Variants in SH3RF3 observed in about 807,000 individuals in gnomAD.
SH3RF3 encodes the protein SH3 domain containing ring finger 3.
SH3RF3 carries 29 observed loss-of-function variants against 66.3 expected under a neutral mutation model. The ratio of observed to expected loss-of-function variants is 0.44; its 90% confidence interval spans 0.33 to 0.60. SH3RF3 has a LOEUF of 0.60. Among genes scored for constraint, SH3RF3 ranks in the 20% least tolerant of loss-of-function variants. SH3RF3 has a pLI of 0.04. For missense variants in SH3RF3, 1,194 were observed against 1,190.9 expected, an observed-to-expected ratio of 1.00 and a Z score of -0.04; for synonymous variants, 583 against 532.0, an observed-to-expected ratio of 1.10 and a Z score of -1.32.
intron 1 of SH3RF3, among the ~76,000 whole-genome samples, chr2:109,318,252 T>C (rs1243820208): frequency 6.6e-5 from 10 of 152,066 alleles, no homozygotes; most frequent in Non-Finnish European, 1.5e-4. Context: ...CTTTGAAATT[T>C]GAGCGCAGCC....
intron 1 of SH3RF3, among the ~76,000 whole-genome samples, chr2:109,338,349 C>T (rs1056382875): frequency 6.6e-6 from 1 of 152,034 alleles, no homozygotes; most frequent in Non-Finnish European, 1.5e-5. Context: ...TCATGGCCAC[C>T]CTCAAAACTC....
intron 1 of SH3RF3, among the ~76,000 whole-genome samples, chr2:109,306,201 T>C (rs576038975): frequency 1.7e-3 from 252 of 152,274 alleles, no homozygotes; most frequent in African/African-American, 5.6e-3. Flanking sequence ...AGACCGTCTT[T>C]CAGAAGAGAT....
At chr2:109,143,864 A>G (rs541047720) in intron 1 of SH3RF3, among the ~76,000 whole-genome samples, 1 of 152,312 alleles carries the variant, frequency 6.6e-6, no homozygotes, top group Admixed American at 6.5e-5. Context: ...ATATTATTCA[A>G]TCTTAAAAAA....
At chr2:109,312,019 T>C (rs1421303133) in intron 1 of SH3RF3, among the ~76,000 whole-genome samples, 1 of 139,232 alleles carries the variant, frequency 7.2e-6, no homozygotes, top group East Asian at 2.0e-4. Context: ...AGTTTTGAAC[T>C]GACTTGAGCG....
At chr2:109,173,134 T>A (rs1232218913) in intron 1 of SH3RF3, among the ~76,000 whole-genome samples, 5 of 152,266 alleles carry the variant, frequency 3.3e-5, no homozygotes, top group East Asian at 1.9e-4. Flanking sequence ...ACTCAAATTT[T>A]AAAAATTTGT....
intron 4 of SH3RF3, among the ~76,000 whole-genome samples, chr2:109,409,291 CA>C (rs1472017760): frequency 6.6e-6 from 1 of 152,196 alleles, no homozygotes; most frequent in Admixed American, 6.5e-5. Context: ...GCAGGGGCAG[CA>C]AACGTTCTAA....
intron 1 of SH3RF3, among the ~76,000 whole-genome samples, chr2:109,203,699 T>C (rs1465063527): frequency 6.6e-6 from 1 of 152,174 alleles, no homozygotes; most frequent in African/African-American, 2.4e-5. Context: ...TTCCACCCCC[T>C]GGGCCTGGAG....
intron 1 of SH3RF3, among the ~76,000 whole-genome samples, chr2:109,247,732 G>T (rs114613193): frequency 5.1e-4 from 78 of 152,282 alleles, no homozygotes; most frequent in African/African-American, 1.9e-3. Context: ...GTTAGGATTT[G>T]CTGTATAACA....
At chr2:109,408,586 C>T (rs1676508154) in intron 4 of SH3RF3, among the ~76,000 whole-genome samples, 1 of 152,238 alleles carries the variant, frequency 6.6e-6, no homozygotes, top group Non-Finnish European at 1.5e-5. Flanking sequence ...TCTACCAGCC[C>T]GTGAGCTTCG....
chr2:109,225,524 A>C (rs1011880357), intron 1 of SH3RF3, among the ~76,000 whole-genome samples: 2 of 152,220 alleles, frequency 1.3e-5, no homozygotes, highest in Non-Finnish European at 2.9e-5. Flanking sequence ...CACACTCACC[A>C]TGTGGAGTTT....
At chr2:109,388,632 A>T (rs1353865405) in intron 3 of SH3RF3, among the ~76,000 whole-genome samples, 3 of 152,222 alleles carry the variant, frequency 2.0e-5, no homozygotes, top group Non-Finnish European at 4.4e-5. Flanking sequence ...GCATTCATTC[A>T]AACACCTATG....
intron 9 of SH3RF3, 136 bp downstream of exon 9, chr2:109,491,072 C>T (rs1405146471): frequency 5.0e-6 from 4 of 796,414 alleles, no homozygotes; most frequent in Non-Finnish European, 7.2e-6. Context: ...CCCAGATCCA[C>T]ATGGTCCCGA....
chr2:109,250,993 T>C (rs573473181), intron 1 of SH3RF3, among the ~76,000 whole-genome samples: 77 of 152,146 alleles, frequency 5.1e-4, no homozygotes, highest in African/African-American at 1.8e-3. Flanking sequence ...TTCAAATTAT[T>C]AATATTTTTA....
At chr2:109,162,798 C>T (rs1401506054) in intron 1 of SH3RF3, among the ~76,000 whole-genome samples, 2 of 152,196 alleles carry the variant, frequency 1.3e-5, no homozygotes, top group African/African-American at 4.8e-5. Flanking sequence ...CGAGGAATCA[C>T]CTTTTAACAA....
chr2:109,194,446 T>C (rs1369493671), intron 1 of SH3RF3, among the ~76,000 whole-genome samples: 1 of 152,228 alleles, frequency 6.6e-6, no homozygotes, highest in Non-Finnish European at 1.5e-5. Flanking sequence ...GGCTGGCTGA[T>C]GGCAGCTGTG....
intron 1 of SH3RF3, among the ~76,000 whole-genome samples, chr2:109,255,846 G>C (rs1467444395): frequency 6.6e-6 from 1 of 152,224 alleles, no homozygotes; most frequent in East Asian, 1.9e-4. Flanking sequence ...TTTTCAGAAA[G>C]AGAAGACAGT....
chr2:109,136,525 T>A (rs1424075378), intron 1 of SH3RF3, among the ~76,000 whole-genome samples: 7 of 152,190 alleles, frequency 4.6e-5, no homozygotes, highest in African/African-American at 1.7e-4. Context: ...GTGTATAAAG[T>A]TGCAGCATGA....
At chr2:109,348,550 T>C (rs1193807492) in intron 2 of SH3RF3, among the ~76,000 whole-genome samples, 2 of 152,168 alleles carry the variant, frequency 1.3e-5, no homozygotes, top group African/African-American at 4.8e-5. Context: ...AAGAGACTGG[T>C]TCTGGCTGTC....
At chr2:109,232,630 C>G (rs941011101) in intron 1 of SH3RF3, among the ~76,000 whole-genome samples, 8 of 152,166 alleles carry the variant, frequency 5.3e-5, no homozygotes, top group Non-Finnish European at 1.0e-4. Context: ...TCCATCCCTT[C>G]TTTCTGGAAA....
Sources: allele counts gnomAD v4.1 joint callset (sites outside exome capture counted in the v4.1 genomes callset), GRCh38; gene constraint gnomAD v4.1.1; transcripts MANE v1.5; gene names NCBI Gene and HGNC (gene_info 2026-07-23, HGNC 2026-07-21).